The following SNTG1 variants were observed in gnomAD, a reference collection of about 807,000 sequenced individuals.
The protein encoded by SNTG1 is syntrophin gamma 1.
SNTG1 carries 39 observed loss-of-function variants against 74.7 expected under a neutral mutation model. The observed-to-expected ratio is 0.52, with a 90% CI of 0.40 to 0.68. The LOEUF is 0.68. Among genes scored for constraint, SNTG1 ranks in the 30% least tolerant of loss-of-function variants. The pLI, the probability that SNTG1 is intolerant of heterozygous loss-of-function variation, is 0.00. For missense variants in SNTG1, 685 were observed against 609.5 expected, an observed-to-expected ratio of 1.12 and a Z score of -1.30; for synonymous variants, 254 against 217.1, an observed-to-expected ratio of 1.17 and a Z score of -1.49.
rs144952446 is a variant in SNTG1, at chr8:50,742,676, A to G, written c.1285-9325A>G. ...AAAGCTAGCTAGAAAGGTGAAAACAATAAAGATTATAGTTGAAAAAAATAA... is the reference window on the plus strand; with the variant it reads ...AAAGCTAGCTAGAAAGGTGAAAACAGTAAAGATTATAGTTGAAAAAAATAA... On this transcript the variant is annotated intron_variant, in intron 17 of 18. Coordinates refer to ENST00000642720, the MANE Select transcript of SNTG1 (RefSeq NM_018967.5). Among the ~76,000 whole-genome samples, 158 of 151,896 alleles carry G rather than the reference A, an allele frequency of 1.0e-3. 3 individuals carry two copies. In the East Asian group the frequency reaches 0.028, roughly 27 times the overall value.
chr8:50,146,824 G>A (rs1362575277), intron 1 of SNTG1, among the ~76,000 whole-genome samples: 1 of 151,842 alleles, frequency 6.6e-6, no homozygotes, highest in Non-Finnish European at 1.5e-5. Flanking sequence ...TGTCTTCTAT[G>A]GTTAAGTGTC....
chr8:50,778,928 C>G (rs1241259310), intron 18 of SNTG1, among the ~76,000 whole-genome samples: 2 of 152,160 alleles, frequency 1.3e-5, no homozygotes, highest in Non-Finnish European at 2.9e-5. Flanking sequence ...ATATCGCTAG[C>G]CAGTTTTCCC....
intron 4 of SNTG1, among the ~76,000 whole-genome samples, chr8:50,404,317 T>C (rs2092842983): frequency 6.6e-6 from 1 of 152,088 alleles, no homozygotes. Flanking sequence ...TGATCATAAA[T>C]TAAAAGCTAA....
At chr8:50,135,883 T>A (rs895317467) in intron 1 of SNTG1, among the ~76,000 whole-genome samples, 3 of 152,182 alleles carry the variant, frequency 2.0e-5, no homozygotes, top group African/African-American at 7.2e-5. Context: ...TAGATAGTTT[T>A]TTGATCCTCA....
At chr8:50,018,557 G>C (rs1816544047) in intron 1 of SNTG1, among the ~76,000 whole-genome samples, 1 of 151,812 alleles carries the variant, frequency 6.6e-6, no homozygotes, top group Admixed American at 6.6e-5. Context: ...AAGAGTAAAC[G>C]TTCTTGACTA....
intron 1 of SNTG1, among the ~76,000 whole-genome samples, chr8:50,138,298 C>T (rs2081542060): frequency 1.3e-5 from 2 of 151,834 alleles, no homozygotes. Context: ...CAGCATGATG[C>T]CACTGGAAAT....
intron 13 of SNTG1, among the ~76,000 whole-genome samples, chr8:50,638,955 A>G (rs2095055798): frequency 6.6e-6 from 1 of 152,144 alleles, no homozygotes; most frequent in Admixed American, 6.6e-5. Flanking sequence ...AATGGTTAGC[A>G]AATAAGATCA....
At chr8:50,619,470 G>T (rs1455910079) in intron 13 of SNTG1, among the ~76,000 whole-genome samples, 1 of 152,090 alleles carries the variant, frequency 6.6e-6, no homozygotes, top group African/African-American at 2.4e-5. Flanking sequence ...GGTGGCTCAC[G>T]CCTGTAATCC....
At chr8:50,711,988 A>T (rs923551464) in intron 17 of SNTG1, among the ~76,000 whole-genome samples, 1 of 152,206 alleles carries the variant, frequency 6.6e-6, no homozygotes, top group Non-Finnish European at 1.5e-5. Flanking sequence ...TGTTGCCATT[A>T]TATTCTTTTA....
At chr8:50,747,177 G>C (rs144074336) in intron 17 of SNTG1, among the ~76,000 whole-genome samples, 32 of 151,884 alleles carry the variant, frequency 2.1e-4, no homozygotes, top group African/African-American at 6.5e-4. Flanking sequence ...TACAAATCTG[G>C]AAAAGTAGTA....
At chr8:50,266,966 G>A (rs923252575) in intron 2 of SNTG1, among the ~76,000 whole-genome samples, 1 of 151,770 alleles carries the variant, frequency 6.6e-6, no homozygotes, top group Non-Finnish European at 1.5e-5. Context: ...CAGAGAAGCT[G>A]TCTGTAAAGA....
At chr8:50,126,931 A>G (rs568623220) in intron 1 of SNTG1, among the ~76,000 whole-genome samples, 2 of 152,280 alleles carry the variant, frequency 1.3e-5, no homozygotes, top group East Asian at 1.9e-4. Flanking sequence ...CCTCAGGAGC[A>G]TACAATCTTG....
At chr8:50,685,816 T>C (rs2095350178) in intron 15 of SNTG1, among the ~76,000 whole-genome samples, 1 of 152,196 alleles carries the variant, frequency 6.6e-6, no homozygotes, top group Non-Finnish European at 1.5e-5. Context: ...ATCTATGTAG[T>C]ACACAATTCT....
At chr8:50,146,379 G>C (rs904016347) in intron 1 of SNTG1, among the ~76,000 whole-genome samples, 1 of 152,080 alleles carries the variant, frequency 6.6e-6, no homozygotes, top group African/African-American at 2.4e-5. Context: ...TTAGCCAGGC[G>C]TGGTGGCGCA....
chr8:50,588,819 CTT>C (rs550625872), intron 12 of SNTG1, among the ~76,000 whole-genome samples: 38 of 152,206 alleles, frequency 2.5e-4, no homozygotes, highest in Admixed American at 3.9e-4. Flanking sequence ...CAATAATTGA[CTT>C]AATGTCTTGT....
chr8:50,141,966 C>T (rs1000573430), intron 1 of SNTG1, among the ~76,000 whole-genome samples: 1 of 152,100 alleles, frequency 6.6e-6, no homozygotes, highest in South Asian at 2.1e-4. Flanking sequence ...CACACACTCA[C>T]ACATAGATAC....
intron 17 of SNTG1, among the ~76,000 whole-genome samples, chr8:50,722,140 A>G (rs1244852570): frequency 1.3e-5 from 2 of 151,928 alleles, no homozygotes; most frequent in Admixed American, 6.6e-5. Flanking sequence ...ATATATATGT[A>G]TACATATGTG....
chr8:50,348,929 A>T lies in SNTG1; in HGVS notation c.-27-45283A>T, dbSNP rs542807345. Among the ~76,000 whole-genome samples the T allele has an allele frequency of 1.5e-4, 23 of 152,320 alleles. No individual in the cohort carries two copies. In the South Asian group the frequency reaches 4.8e-3, roughly 32 times the overall value. ...CATTTCAGTATATACTCATACATGC[A>T]TATGATTACAACAGCCTACCCTGTA... On this transcript the variant is annotated intron_variant, in intron 2 of 18. Coordinates refer to ENST00000642720, the MANE Select transcript of SNTG1 (RefSeq NM_018967.5).
chr8:50,441,508 T>C (rs1025116773), intron 5 of SNTG1, among the ~76,000 whole-genome samples: 9 of 152,142 alleles, frequency 5.9e-5, no homozygotes, highest in Admixed American at 1.3e-4. Context: ...AGGGTTCCTA[T>C]GTCAAAAATT....
Sources: allele counts gnomAD v4.1 joint callset (sites outside exome capture counted in the v4.1 genomes callset), GRCh38; gene constraint gnomAD v4.1.1; transcripts MANE v1.5; gene names NCBI Gene and HGNC (gene_info 2026-07-23, HGNC 2026-07-21).